Variants in CDH23 observed in about 807,000 individuals in gnomAD.
CDH23 encodes the protein cadherin-23.
Under a neutral mutation model 317.1 loss-of-function variants are expected in CDH23, and 189 were observed. The observed-to-expected ratio is 0.60, with a 90% confidence interval of 0.53 to 0.67. The LOEUF (loss-of-function observed/expected upper bound fraction) is 0.67, where lower values mean the gene tolerates loss of function less well. Among genes scored for constraint, CDH23 ranks in the 30% least tolerant of loss-of-function variants. The probability of loss-of-function intolerance (pLI) is 0.00; values close to 1 mark genes in which losing one functional copy is unlikely to be tolerated. For synonymous variants in CDH23, 1,839 were observed against 1,876.8 expected, an observed-to-expected ratio of 0.98 and a Z score of 0.52; for missense variants, 4,401 against 4,592.4, an observed-to-expected ratio of 0.96 and a Z score of 1.20.
intron 6 of CDH23, among the ~76,000 whole-genome samples, chr10:71,544,837 C>T (rs1042280263): frequency 4.6e-5 from 7 of 152,228 alleles, no homozygotes; most frequent in Non-Finnish European, 8.8e-5. Context: ...TTGACTTCTC[C>T]GCCAGTCAGG....
chr10:71,615,462 G>T (rs1861128612), intron 9 of CDH23, 42 bp from the exon 10 acceptor site: 2 of 1,456,864 alleles, frequency 1.4e-6, no homozygotes, highest in African/African-American at 1.4e-5. Context: ...ATGCCCCCCT[G>T]CCCTGTGCCT....
chr10:71,638,522 T>C (rs1862382358), intron 11 of CDH23, among the ~76,000 whole-genome samples: 2 of 152,112 alleles, frequency 1.3e-5, no homozygotes, highest in South Asian at 4.1e-4. Flanking sequence ...CTGAGAGCCC[T>C]CAGGTAATGA....
intron 6 of CDH23, 112 bp downstream of exon 6, chr10:71,511,324 G>C: frequency 9.9e-7 from 1 of 1,008,926 alleles, no homozygotes; most frequent in East Asian, 2.4e-5. Context: ...CTTCTGCCCA[G>C]ACCTCAGCCC....
intron 3 of CDH23, among the ~76,000 whole-genome samples, chr10:71,451,958 C>T (rs1342911737): frequency 2.0e-5 from 3 of 152,180 alleles, no homozygotes; most frequent in African/African-American, 7.2e-5. Flanking sequence ...CAGGGCATGT[C>T]GGGAGCGAGG....
chr10:71,799,016 C>T (rs1264193957), intron 50 of CDH23, 95 bp from the exon 51 acceptor site: 14 of 1,226,630 alleles, frequency 1.1e-5, no homozygotes, highest in Non-Finnish European at 1.6e-5. Context: ...GTGACCACAG[C>T]TGCCCCTCGG....
At chr10:71,713,373 G>A in intron 28 of CDH23, 1 of 738,068 alleles carries the variant, frequency 1.4e-6, no homozygotes, top group Non-Finnish European at 2.5e-6. Flanking sequence ...TTGCTGGGTG[G>A]GGAGGGAGGC....
chr10:71,648,485 C>A (rs1863007413), intron 14 of CDH23, among the ~76,000 whole-genome samples: 1 of 152,198 alleles, frequency 6.6e-6, no homozygotes, highest in Non-Finnish European at 1.5e-5. Context: ...GGATTCCTTC[C>A]AGGTGTTCTT....
In CDH23 at chr10:71,806,281, A is replaced by T. The variant is rs1208919337; in HGVS notation, c.8178A>T (p.Pro2726=). The T allele has an allele frequency of 6.4e-7, 1 of 1,551,240 alleles. No individual in the cohort carries two copies. Among genetic ancestry groups the T allele is most frequent in the Non-Finnish European group, 8.7e-7 (1 of 1,147,982 alleles). ...DDNEPLFVRP[P]KGSPQYQLLT... ...ACGAACCCCTTTTCGTGAGGCCTCCAGTGAGCTTGCCCACCTCCTGCGCTG... is the reference window on the plus strand; with the variant it reads ...ACGAACCCCTTTTCGTGAGGCCTCCTGTGAGCTTGCCCACCTCCTGCGCTG... Residue 2726 remains proline (P), a splice_region_variant and synonymous_variant, in exon 57 of 70, where the codon CCA becomes CCT. Transcript: ENST00000224721.
chr10:71,553,504 C>A (rs1247038289), intron 6 of CDH23, among the ~76,000 whole-genome samples: 3 of 152,182 alleles, frequency 2.0e-5, no homozygotes, highest in African/African-American at 7.2e-5. Flanking sequence ...CACACTCATA[C>A]CTGCCCAGGC....
intron 12 of CDH23, among the ~76,000 whole-genome samples, chr10:71,644,245 G>T (rs967907797): frequency 1.3e-5 from 2 of 152,234 alleles, no homozygotes; most frequent in African/African-American, 4.8e-5. Flanking sequence ...CTGGACCCCA[G>T]AATTGGCAAG....
At chr10:71,533,525 C>CCA (rs55659529) in intron 6 of CDH23, among the ~76,000 whole-genome samples, 16,786 of 130,584 alleles carry the variant, frequency 0.13, 1,082 homozygotes, top group Middle Eastern at 0.17. Context: ...TGGCTGGACA[C>CCA]CACACACACA....
At chr10:71,442,843 G>A (rs1431843544) in intron 2 of CDH23, among the ~76,000 whole-genome samples, 2 of 152,190 alleles carry the variant, frequency 1.3e-5, no homozygotes, top group African/African-American at 4.8e-5. Context: ...TGTGGGCCAC[G>A]CTGCAGTCAC....
intron 11 of CDH23, among the ~76,000 whole-genome samples, chr10:71,618,216 A>T (rs955693642): frequency 6.6e-6 from 1 of 151,780 alleles, no homozygotes; most frequent in Admixed American, 6.6e-5. Context: ...CCATAAGAAG[A>T]CCCCTGCATC....
At chr10:71,428,170 CATT>C (rs1849198759) in intron 1 of CDH23, among the ~76,000 whole-genome samples, 2 of 141,632 alleles carry the variant, frequency 1.4e-5, no homozygotes, top group South Asian at 4.4e-4. Context: ...AACAGAGTCT[CATT>C]GTCGCCCAGG....
intron 3 of CDH23, among the ~76,000 whole-genome samples, chr10:71,462,005 T>A (rs1354850332): frequency 5.1e-4 from 77 of 152,244 alleles, no homozygotes; most frequent in Admixed American, 5.0e-3. Flanking sequence ...ATCACCCGCC[T>A]GGTCAGCTCC....
chr10:71,772,013 C>T (rs1296438504), intron 38 of CDH23, among the ~76,000 whole-genome samples: 1 of 152,226 alleles, frequency 6.6e-6, no homozygotes, highest in Non-Finnish European at 1.5e-5. Context: ...CTGCCTGCCA[C>T]CATCCTCTGT....
intron 11 of CDH23, among the ~76,000 whole-genome samples, chr10:71,625,565 C>T (rs541395244): frequency 3.5e-4 from 54 of 152,198 alleles, no homozygotes; most frequent in African/African-American, 1.3e-3. Context: ...CCTCATTTTC[C>T]ATTCCACATG....
In CDH23 at chr10:71,793,589, G is replaced by C. The variant is rs927051280; in HGVS notation, c.6661G>C (p.Asp2221His). Reference sequence around the variant, plus strand: ...CGGCATTGTGGCCAAGGACGACACTGATCGCCTGGTGCCCAACCAGGAGGA... The same window carrying C: ...CGGCATTGTGGCCAAGGACGACACTCATCGCCTGGTGCCCAACCAGGAGGA... ...IVGIVAKDDT[D>H]RLVPNQEDAF... is the part of the protein sequence containing the mutation. Residue 2221 changes from aspartate (D) to histidine (H), a missense_variant, in exon 48 of 70, where the codon GAT becomes CAT. By Grantham distance (81) the Asp-to-His change is moderately conservative. Around this residue, in one of 3 missense-constraint regions of CDH23, gnomAD observed 3,068 missense variants for 3,203.3 expected, o/e 0.96. Coordinates refer to ENST00000224721, the MANE Select transcript of CDH23 (RefSeq NM_022124.6). 1 of 1,609,382 alleles carries C rather than the reference G, an allele frequency of 6.2e-7. No homozygotes were observed. The highest frequency in any genetic ancestry group is 1.3e-5 in the African/African-American group (1 of 74,946).
chr10:71,501,154 G>A (rs1038313825), intron 3 of CDH23, among the ~76,000 whole-genome samples: 1 of 152,124 alleles, frequency 6.6e-6, no homozygotes, highest in African/African-American at 2.4e-5. Flanking sequence ...AAGGCGTGAG[G>A]CACTGCACCT....
Sources: allele counts gnomAD v4.1 joint callset (sites outside exome capture counted in the v4.1 genomes callset), GRCh38; gene constraint gnomAD v4.1.1; regional missense constraint gnomAD v4.1.1; transcripts MANE v1.5; gene names NCBI Gene and HGNC (gene_info 2026-07-23, HGNC 2026-07-21).